Variants in TNRC6C observed in about 807,000 individuals in gnomAD.
The protein encoded by TNRC6C is trinucleotide repeat containing adaptor 6C.
A neutral mutation model predicts 153.7 loss-of-function variants in TNRC6C; 20 were observed. The observed-to-expected ratio is 0.13, with a 90% CI of 0.09 to 0.19. The LOEUF (loss-of-function observed/expected upper bound fraction) is 0.19. Ranked by LOEUF, TNRC6C falls within the 10% of genes least tolerant of loss-of-function variation. The pLI is 1.00. For synonymous variants in TNRC6C, 811 were observed against 841.4 expected, an observed-to-expected ratio of 0.96 and a Z score of 0.63; for missense variants, 1,987 against 2,172.0, an observed-to-expected ratio of 0.91 and a Z score of 1.69.
At chr17:77,987,271 AG>A (rs1177725950) in intron 1 of TNRC6C, among the ~76,000 whole-genome samples, 1 of 152,222 alleles carries the variant, frequency 6.6e-6, no homozygotes, top group Admixed American at 6.5e-5. Flanking sequence ...TAATAGTCAA[AG>A]AATTGTAAAT....
chr17:78,046,910 A>G (rs531528151), intron 2 of TNRC6C, among the ~76,000 whole-genome samples: 1 of 152,246 alleles, frequency 6.6e-6, no homozygotes, highest in Non-Finnish European at 1.5e-5. Context: ...CAAGTCCTCA[A>G]AGTAGACCAT....
At chr17:77,958,114 C>T (rs1414590287), upstream of TNRC6C, among the ~76,000 whole-genome samples, 3 of 152,062 alleles carry the variant, frequency 2.0e-5, no homozygotes, top group Non-Finnish European at 4.4e-5. Context: ...CAAAGTGGGG[C>T]GGTGCAGGGC....
At position 78,104,616 on chromosome 17, in the gene TNRC6C, G is replaced by A. The variant is rs765561196; in HGVS notation, c.4844G>A (p.Arg1615Gln). Residue 1615 changes from arginine (R) to glutamine (Q), a missense_variant, in exon 20 of 20, where the codon CGG (arginine) becomes CAG (glutamine). This residue lies in a region of TNRC6C where 139 missense variants were observed against 148.5 expected (regional missense o/e 0.94). Coordinates refer to ENST00000301624, the Ensembl canonical transcript of TNRC6C. This position sits in a 1 kb window ranked among gnomAD's most constrained non-coding sequence, Gnocchi z 6.2. ...TCCAGCAGCGCGTCCAGCCAGCCGC[G>A]GCTCAGCGCAGCGGGCAGCTCCCAT... The A allele has an allele frequency of 7.7e-6, 12 of 1,549,762 alleles. No homozygotes were observed. The highest frequency in any genetic ancestry group is 2.7e-5 in the African/African-American group (2 of 72,884).
intron 1 of TNRC6C, among the ~76,000 whole-genome samples, chr17:77,981,411 A>G (rs1598646209): frequency 6.6e-6 from 1 of 152,312 alleles, no homozygotes; most frequent in Middle Eastern, 3.4e-3. Context: ...ACCAGCCCCC[A>G]TCCTGAAGCT....
intron 11 of TNRC6C, among the ~76,000 whole-genome samples, chr17:78,086,065 C>T (rs1316510704): frequency 2.0e-5 from 3 of 152,018 alleles, no homozygotes; most frequent in African/African-American, 4.8e-5. Flanking sequence ...GGCGCCGTGG[C>T]TCATGCCTGT....
At chr17:78,000,311 CT>C (rs893455364), upstream of TNRC6C, among the ~76,000 whole-genome samples, 1 of 152,100 alleles carries the variant, frequency 6.6e-6, no homozygotes, top group Non-Finnish European at 1.5e-5. Context: ...CTTGTCTTTC[CT>C]TTTAGATTTT....
chr17:78,050,372 A>G, exon 3 of TNRC6C: 2 of 1,613,386 alleles, frequency 1.2e-6, no homozygotes, highest in Non-Finnish European at 1.7e-6. Context: ...TTGCCAAGGA[A>G]TGATCTTGAC....
intron 14 of TNRC6C, among the ~76,000 whole-genome samples, chr17:78,092,682 C>G (rs185210337): frequency 3.1e-3 from 470 of 152,010 alleles, no homozygotes; most frequent in Admixed American, 7.1e-3. Context: ...GAGGTTGAGC[C>G]CTGATCACAT....
chr17:78,084,011 C>T (rs1049376386), intron 11 of TNRC6C, among the ~76,000 whole-genome samples: 3 of 152,208 alleles, frequency 2.0e-5, no homozygotes, highest in East Asian at 1.9e-4. Context: ...CGGCCGGGCA[C>T]GGTGGCTCAT....
upstream of TNRC6C, chr17:78,005,024 C>T (rs1438702223): frequency 8.4e-7 from 1 of 1,189,148 alleles, no homozygotes; most frequent in Non-Finnish European, 1.0e-6. Context: ...TAAAGAGTTT[C>T]TTTCTTTCTT....
chr17:78,020,668 C>A (rs953159435), intron 1 of TNRC6C, among the ~76,000 whole-genome samples: 1 of 152,096 alleles, frequency 6.6e-6, no homozygotes, highest in Non-Finnish European at 1.5e-5. Context: ...AAGTAACAGG[C>A]GGAATTACTT....
intron 9 of TNRC6C, 139 bp downstream of exon 11, chr17:78,077,473 C>CTGGT: frequency 1.8e-6 from 2 of 1,108,344 alleles, no homozygotes; most frequent in Non-Finnish European, 2.6e-6. Flanking sequence ...GAAATACTAC[C>CTGGT]AGGATTTCCC....
chr17:78,084,572 G>A (rs2144471314), intron 11 of TNRC6C, among the ~76,000 whole-genome samples: 1 of 151,540 alleles, frequency 6.6e-6, no homozygotes, highest in South Asian at 2.1e-4. Flanking sequence ...TAGACATGAG[G>A]TCAGGACCAA....
At chr17:78,051,038 T>C in exon 3 of TNRC6C, 1 of 1,612,842 alleles carries the variant, frequency 6.2e-7, no homozygotes, top group South Asian at 1.1e-5. Flanking sequence ...GGGGAGACTT[T>C]AAAACCTGGC....
intron 2 of TNRC6C, among the ~76,000 whole-genome samples, 162 bp downstream of exon 4, chr17:78,032,004 T>C (rs1272077820): frequency 6.6e-6 from 1 of 152,252 alleles, no homozygotes; most frequent in East Asian, 1.9e-4. Flanking sequence ...AATTTAATTG[T>C]GTTTTCCCTC....
chr17:77,993,902 G>C (rs907416092), intron 1 of TNRC6C, among the ~76,000 whole-genome samples: 3 of 151,726 alleles, frequency 2.0e-5, no homozygotes, highest in Non-Finnish European at 4.4e-5. Flanking sequence ...TTTCATTATA[G>C]AAACTATTGG....
intron 17 of TNRC6C, among the ~76,000 whole-genome samples, chr17:78,100,130 T>G (rs753910149): frequency 5.3e-5 from 8 of 152,246 alleles, no homozygotes; most frequent in Non-Finnish European, 8.8e-5. Context: ...CTTCACGGGC[T>G]GGTATTGTCT....
chr17:78,032,453 A>G (rs534495618), intron 2 of TNRC6C, among the ~76,000 whole-genome samples: 5 of 152,212 alleles, frequency 3.3e-5, no homozygotes, highest in East Asian at 1.9e-4. Flanking sequence ...TTCTTTTCCA[A>G]TCTCCTTGAC....
At chr17:78,063,268 T>A (rs1446602931) in intron 3 of TNRC6C, among the ~76,000 whole-genome samples, 1 of 147,930 alleles carries the variant, frequency 6.8e-6, no homozygotes, top group East Asian at 2.0e-4. Context: ...TATATATAAA[T>A]AATATATATA....
Sources: gnomAD v4.1 joint callset for allele counts (sites outside exome capture counted in the v4.1 genomes callset) on GRCh38, gnomAD v4.1.1 for gene constraint, gnomAD v4.1.1 regional missense constraint, Gnocchi (gnomAD v3.1) non-coding constraint, MANE v1.5 for transcripts, NCBI Gene and HGNC (gene_info 2026-07-23, HGNC 2026-07-21) for gene names.